FAM171B: variants seen among roughly 807,000 people sequenced by gnomAD.
The protein encoded by FAM171B is family with sequence similarity 171 member B, also known as protein FAM171B.
In FAM171B, 19 loss-of-function variants were observed where a neutral mutation model predicts 75.6. The observed-to-expected ratio is 0.25, with a 90% CI of 0.18 to 0.37. The LOEUF (loss-of-function observed/expected upper bound fraction) is 0.37, where lower values mean the gene tolerates loss of function less well. Ranked by LOEUF, FAM171B falls within the 10% of genes least tolerant of loss-of-function variation. FAM171B has a pLI of 1.00. For synonymous variants in FAM171B, 367 were observed against 361.7 expected (o/e 1.01, Z -0.17); for missense variants, 848 against 982.4 (o/e 0.86, Z 1.83).
chr2:186,720,960 T>A (rs144393826), intron 1 of FAM171B, among the ~76,000 whole-genome samples: 17 of 152,290 alleles, frequency 1.1e-4, no homozygotes, highest in African/African-American at 3.9e-4. Flanking sequence ...CTTGTGCCTC[T>A]AGGGGTATGC....
chr2:186,748,635 C>G (rs767745085), intron 4 of FAM171B, among the ~76,000 whole-genome samples: 3 of 152,204 alleles, frequency 2.0e-5, no homozygotes, highest in Non-Finnish European at 2.9e-5. Flanking sequence ...TGGAACTGAG[C>G]TGGAGTTACC....
intron 1 of FAM171B, among the ~76,000 whole-genome samples, chr2:186,721,983 A>C (rs1689960613): frequency 6.6e-6 from 1 of 151,938 alleles, no homozygotes; most frequent in African/African-American, 2.4e-5. Flanking sequence ...TTCCACCTTC[A>C]TTTTCTGCTC....
intron 1 of FAM171B, among the ~76,000 whole-genome samples, chr2:186,730,075 C>T (rs1043438882): frequency 1.3e-5 from 2 of 152,238 alleles, no homozygotes; most frequent in African/African-American, 4.8e-5. Context: ...ATTCCCCCGC[C>T]TCAGCCTCCT....
intron 6 of FAM171B, among the ~76,000 whole-genome samples, chr2:186,759,609 A>G (rs1234178023): frequency 6.6e-6 from 1 of 152,032 alleles, no homozygotes; most frequent in Admixed American, 6.6e-5. Flanking sequence ...GCCTCTTTTC[A>G]TATTCCTGTT....
intron 1 of FAM171B, among the ~76,000 whole-genome samples, chr2:186,696,957 C>T (rs2105768626): frequency 6.6e-6 from 1 of 152,130 alleles, no homozygotes; most frequent in Middle Eastern, 3.4e-3. Flanking sequence ...TCTCGAAGAG[C>T]ACCTGGTTGG....
In FAM171B at chr2:186,740,278, T is replaced by C. The variant is rs563393738; in HGVS notation, c.289T>C (p.Tyr97His). 6.1e-5 allele frequency: 98 copies of C among 1,614,072 alleles called. 4 individuals carry two copies. The South Asian group carries it at 1.1e-3, about 17-fold the overall frequency. The change falls in exon 2 of 8, where the codon TAC (tyrosine) becomes CAC (histidine). Residue 97 changes from tyrosine to histidine, a missense_variant. Coordinates refer to ENST00000304698, the MANE Select transcript of FAM171B (RefSeq NM_177454.4). ...GGTGAATGACATCATCAGTCGTCAG[T>C]ACCTGAGCCAAGCAGTTGTAGAAGT... ...VQVNDIISRQ[Y>H]LSQAVVEVFV...
chr2:186,732,482 C>T (rs981190131), intron 1 of FAM171B, among the ~76,000 whole-genome samples: 8 of 152,058 alleles, frequency 5.3e-5, no homozygotes, highest in African/African-American at 7.2e-5. Flanking sequence ...ATTCAACTGA[C>T]GGGTGTAAGG....
intron 1 of FAM171B, among the ~76,000 whole-genome samples, chr2:186,716,808 A>T (rs1689881760): frequency 6.6e-6 from 1 of 152,192 alleles, no homozygotes; most frequent in South Asian, 2.1e-4. Context: ...TTAATAGTGC[A>T]ATATTTTTCA....
At chr2:186,717,617 T>C (rs1346770537) in intron 1 of FAM171B, among the ~76,000 whole-genome samples, 1 of 152,168 alleles carries the variant, frequency 6.6e-6, no homozygotes, top group Non-Finnish European at 1.5e-5. Context: ...GGCTTTCCTC[T>C]CTGCAGTTTC....
Position 186,763,739 on chromosome 2 carries a change from G to A in FAM171B, c.*916G>A, listed in dbSNP as rs937070240. 1.3e-5 allele frequency: 2 copies of A among 151,822 alleles called. No individual in the cohort carries two copies. Among genetic ancestry groups the A allele is most frequent in the Admixed American group, 1.3e-4 (2 of 15,228 alleles). 9.4% of individuals were successfully genotyped at this position (151,822 alleles called of 1,614,324 possible). A position where few individuals can be genotyped will look rare whatever the true frequency, so the allele number is the denominator to read the frequency against. On this transcript the variant is annotated 3_prime_UTR_variant, in exon 8 of 8. Coordinates refer to ENST00000304698, the MANE Select transcript of FAM171B (RefSeq NM_177454.4). ...GGCTATGAAATTTAAAAAAAAAGTC[G>A]ATGTGAAAGTTTCTTTTGAACACTA...
At chr2:186,712,082 A>G (rs1689817271) in intron 1 of FAM171B, among the ~76,000 whole-genome samples, 1 of 152,144 alleles carries the variant, frequency 6.6e-6, no homozygotes, top group South Asian at 2.1e-4. Context: ...CTATAAAAGC[A>G]TGTTGGTTCA....
rs75120091 is a variant in FAM171B at position 186,722,903 on chromosome 2, G to C, written c.239-17325G>C. On this transcript the variant is annotated intron_variant, in intron 1 of 7. Transcript: ENST00000304698. ...CACTTTACAATTATTTGGTGTTGAGGATATTGCATCCTTTTTAGGAACTTT... is the reference window on the plus strand; with the variant it reads ...CACTTTACAATTATTTGGTGTTGAGCATATTGCATCCTTTTTAGGAACTTT... Among the ~76,000 whole-genome samples, 1,218 of 152,278 alleles carry C rather than the reference G, an allele frequency of 8.0e-3. 8 individuals carry two copies. Among genetic ancestry groups the C allele is most frequent in the Middle Eastern group, 0.037 (11 of 294 alleles).
intron 1 of FAM171B, among the ~76,000 whole-genome samples, chr2:186,711,469 G>C (rs1689808271): frequency 6.6e-6 from 1 of 152,108 alleles, no homozygotes; most frequent in Admixed American, 6.5e-5. Flanking sequence ...ACTGGGAGTT[G>C]TCATCTGCCA....
At chr2:186,755,614 G>A (rs977449066) in intron 6 of FAM171B, among the ~76,000 whole-genome samples, 1 of 152,094 alleles carries the variant, frequency 6.6e-6, no homozygotes, top group Admixed American at 6.6e-5. Context: ...TATTATGACT[G>A]TCTGTTATTT....
intron 1 of FAM171B, among the ~76,000 whole-genome samples, chr2:186,718,669 G>A (rs1689907382): frequency 6.6e-6 from 1 of 152,148 alleles, no homozygotes; most frequent in Admixed American, 6.5e-5. Context: ...CTAACTCAAA[G>A]AAGGTGTTGA....
chr2:186,712,393 A>C (rs1304153271), intron 1 of FAM171B, among the ~76,000 whole-genome samples: 1 of 152,130 alleles, frequency 6.6e-6, no homozygotes, highest in Non-Finnish European at 1.5e-5. Context: ...AGCTCCATGG[A>C]CTGTATCTCT....
In FAM171B at chr2:186,694,139, C is replaced by A. The variant is rs772901994; in HGVS notation, c.-35C>A. On this transcript the variant is annotated 5_prime_UTR_variant, in exon 1 of 8. Coordinates refer to ENST00000304698, the MANE Select transcript of FAM171B (RefSeq NM_177454.4). ...TGGCGCCCGCCGCCGCCCGGAGCCC[C>A]GCAATATGCCGCCGCGGCCCTCTGG... 2 of 1,502,562 alleles carry A rather than the reference C, an allele frequency of 1.3e-6. No homozygotes were observed. Among genetic ancestry groups the A allele is most frequent in the East Asian group, 5.1e-5 (2 of 39,130 alleles). 93.1% of individuals were successfully genotyped at this position (1,502,562 alleles called of 1,614,324 possible).
intron 1 of FAM171B, among the ~76,000 whole-genome samples, chr2:186,735,245 A>G (rs931843911): frequency 6.6e-6 from 1 of 152,174 alleles, no homozygotes; most frequent in Middle Eastern, 3.2e-3. Context: ...TGGCTAGGCA[A>G]TGGGTGCTTT....
chr2:186,696,090 T>C (rs1689574163), intron 1 of FAM171B, among the ~76,000 whole-genome samples: 1 of 152,188 alleles, frequency 6.6e-6, no homozygotes, highest in South Asian at 2.1e-4. Flanking sequence ...CTTTCTGATA[T>C]TTGTGAGGGA....
Sources: allele counts gnomAD v4.1 joint callset (sites outside exome capture counted in the v4.1 genomes callset), GRCh38; gene constraint gnomAD v4.1.1; transcripts MANE v1.5; gene names NCBI Gene and HGNC (gene_info 2026-07-23, HGNC 2026-07-21).